SGO2: variants seen among roughly 807,000 people sequenced by gnomAD.
SGO2 encodes the protein shugoshin-like 2.
Under a neutral mutation model 99.5 loss-of-function variants are expected in SGO2, and 68 were observed. That is an observed-to-expected ratio of 0.68 (90% CI 0.56 to 0.84). SGO2 has a LOEUF of 0.84. SGO2 is among the 40% of genes least tolerant of loss of function. The probability of loss-of-function intolerance (pLI) is 0.00; values close to 1 mark genes in which losing one functional copy is unlikely to be tolerated. For synonymous variants in SGO2, 457 were observed against 487.1 expected (o/e 0.94, Z 0.81); for missense variants, 1,350 against 1,436.7 (o/e 0.94, Z 0.97).
Position 200,572,934 on chromosome 2 carries a change from A to G in SGO2, c.2588A>G (p.Gln863Arg). 1 of 1,598,664 alleles carries G rather than the reference A, an allele frequency of 6.3e-7. No homozygotes were observed. The highest frequency in any genetic ancestry group is 1.3e-5 in the African/African-American group (1 of 74,106). The change falls in exon 7 of 9, where the codon CAA (glutamine) becomes CGA (arginine). Residue 863 changes from glutamine (Q) to arginine (R), a missense_variant. By Grantham distance (43) the Gln-to-Arg change is conservative (BLOSUM62 1). Coordinates refer to ENST00000357799, the MANE Select transcript of SGO2 (RefSeq NM_152524.6). ...SENLQVTNEF[Q>R]TVDLLIKDNG... ...AATCTACAAGTCACAAATGAATTTC[A>G]AACAGTTGATCTTCTCATCAAAGAT...
At chr2:200,578,150 C>CTATAGATATAGATATAGA (rs71022324) in intron 8 of SGO2, among the ~76,000 whole-genome samples, 29,378 of 143,434 alleles carry the variant, frequency 0.2, 3,450 homozygotes, top group Non-Finnish European at 0.26. Context: ...GTTGTCTTTT[C>CTATAGATATAGATATAGA]TATAGATATA....
intron 8 of SGO2, among the ~76,000 whole-genome samples, chr2:200,582,761 C>G (rs1002938743): frequency 6.6e-6 from 1 of 152,052 alleles, no homozygotes; most frequent in Non-Finnish European, 1.5e-5. Flanking sequence ...ACATTACATA[C>G]ACAGGGGAAC....
chr2:200,555,327 G>A (rs1019029130), intron 5 of SGO2, among the ~76,000 whole-genome samples: 1 of 152,092 alleles, frequency 6.6e-6, no homozygotes, highest in African/African-American at 2.4e-5. Flanking sequence ...TCCAGTAGTT[G>A]TAAGATTTTT....
chr2:200,571,721 C>G lies in SGO2; in HGVS notation c.1375C>G (p.Gln459Glu), dbSNP rs1336071839. The G allele has an allele frequency of 1.9e-6, 3 of 1,613,424 alleles. No individual in the cohort carries two copies. Among genetic ancestry groups the G allele is most frequent in the Non-Finnish European group, 1.7e-6 (2 of 1,179,684 alleles). ...GFIFNNEQLA[Q>E]MNEQLAQVNE... ...TATTTTCAATAATGAACAGCTGGCT[C>G]AGATGAATGAACAGCTGGCTCAGGT... The change falls in exon 7 of 9, where the codon CAG becomes GAG. Residue 459 changes from glutamine to glutamate, a missense_variant. Transcript: ENST00000357799.
chr2:200,558,348 C>T (rs115584177), intron 5 of SGO2, among the ~76,000 whole-genome samples: 392 of 152,136 alleles, frequency 2.6e-3, no homozygotes, highest in Non-Finnish European at 4.3e-3. Context: ...TGAATAACTA[C>T]TGAATTTTAT....
At chr2:200,557,181 A>G (rs2032752814) in intron 5 of SGO2, among the ~76,000 whole-genome samples, 1 of 152,196 alleles carries the variant, frequency 6.6e-6, no homozygotes, top group African/African-American at 2.4e-5. Flanking sequence ...CGTAGCCAAG[A>G]GGGACTTTAC....
At chr2:200,564,047 T>C (rs997582184) in intron 5 of SGO2, among the ~76,000 whole-genome samples, 2 of 152,252 alleles carry the variant, frequency 1.3e-5, no homozygotes, top group African/African-American at 4.8e-5. Context: ...GGTTTCTTTG[T>C]GTCTCTATCT....
intron 8 of SGO2, among the ~76,000 whole-genome samples, chr2:200,576,474 G>T (rs529447316): frequency 1.3e-5 from 2 of 152,188 alleles, no homozygotes; most frequent in Admixed American, 6.5e-5. Context: ...TGCTCGGGAG[G>T]CTGAGGCAGG....
rs1350244980 is a variant in SGO2, at chr2:200,582,621, CA to C, written c.3783-827del. 2.0e-5 allele frequency among the ~76,000 whole-genome samples: 3 copies of C among 152,030 alleles called. No individual in the cohort carries two copies. The East Asian group carries it at 5.8e-4, about 29-fold the overall frequency. The stretch of plus-strand genomic sequence containing the variant: ...AGCTGAGGATTTAGTATAATTAGTG[CA>C]TGAACTATAGTGCTCTGTTGTCTAT... On this transcript the variant is annotated intron_variant, in intron 8 of 8. Transcript: ENST00000357799.
At chr2:200,539,315 AGTCT>A (rs2031848465) in intron 4 of SGO2, among the ~76,000 whole-genome samples, 2 of 152,102 alleles carry the variant, frequency 1.3e-5, no homozygotes, top group Non-Finnish European at 2.9e-5. Context: ...TGACCAGAGT[AGTCT>A]GTCATTATTC....
Position 200,571,565 on chromosome 2 carries a change from GAAA to G in SGO2, c.1224_1226del (p.Lys409del). ...CAGAAAAGTGAAAGATTCCAGCTCTGAAAAAAAGAGAGAAAGATCAAAGAGACA... is the reference window on the plus strand; with the variant it reads ...CAGAAAAGTGAAAGATTCCAGCTCTGAAAAGAGAGAAAGATCAAAGAGACA... On this transcript the variant is annotated inframe_deletion, in exon 7 of 9. Transcript: ENST00000357799. 6.2e-7 allele frequency: 1 copy of G among 1,610,976 alleles called. No individual in the cohort carries two copies. The highest frequency in any genetic ancestry group is 1.7e-5 in the Admixed American group (1 of 59,384).
chr2:200,566,860 C>T (rs781295300), intron 5 of SGO2, among the ~76,000 whole-genome samples: 9 of 152,176 alleles, frequency 5.9e-5, no homozygotes, highest in Non-Finnish European at 1.3e-4. Context: ...GGCGTGGGAC[C>T]CTCTGAGCCA....
Position 200,571,232 on chromosome 2 carries a change from G to T in SGO2, c.886G>T (p.Asp296Tyr). Reference sequence around the variant, plus strand: ...AGACACTCCCTGTGCAACAGTTTTAGATAAACAACACATTTCAAGTCCAGA... The same window carrying T: ...AGACACTCCCTGTGCAACAGTTTTATATAAACAACACATTTCAAGTCCAGA... ...SADTPCATVL[D>Y]KQHISSPELN... The change falls in exon 7 of 9, where the codon GAT becomes TAT. Residue 296 changes from aspartate (D) to tyrosine (Y), a missense_variant. Asp to Tyr is a radical substitution (Grantham distance 160). Transcript: ENST00000357799. The T allele has an allele frequency of 6.2e-7, 1 of 1,613,532 alleles. No homozygotes were observed. The highest frequency in any genetic ancestry group is 8.5e-7 in the Non-Finnish European group (1 of 1,179,660).
chr2:200,577,031 T>C (rs1014959495), intron 8 of SGO2, among the ~76,000 whole-genome samples: 1 of 151,800 alleles, frequency 6.6e-6, no homozygotes, highest in African/African-American at 2.4e-5. Flanking sequence ...GTGTGTAAAG[T>C]ATTGTTTTTT....
intron 5 of SGO2, among the ~76,000 whole-genome samples, chr2:200,566,103 C>T (rs1020447288): frequency 4.6e-5 from 7 of 152,170 alleles, no homozygotes; most frequent in South Asian, 2.1e-4. Flanking sequence ...AGCTTTGTTC[C>T]GTGGCTGGCA....
At chr2:200,546,495 G>C (rs1048121873) in intron 5 of SGO2, among the ~76,000 whole-genome samples, 1 of 150,734 alleles carries the variant, frequency 6.6e-6, no homozygotes, top group African/African-American at 2.4e-5. Flanking sequence ...AACTACAGCA[G>C]ACAAGGAGCC....
In SGO2 at chr2:200,573,961, C is replaced by A. The variant is rs2033560547; in HGVS notation, c.3615C>A (p.Thr1205=). ...TGAAATTTAAAGTCAACCGGAGAAC[C>A]CAAAAATCAGGAATAGGTAGGTTAA... ...NKMKFKVNRR[T]QKSGIGDRPL... Residue 1205 remains threonine, a synonymous_variant, in exon 7 of 9, where the codon ACC becomes ACA. Transcript: ENST00000357799. 1.3e-6 allele frequency: 2 copies of A among 1,580,338 alleles called. No individual in the cohort carries two copies. Among genetic ancestry groups the A allele is most frequent in the South Asian group, 1.2e-5 (1 of 84,550 alleles).
chr2:200,557,209 C>G (rs545312465), intron 5 of SGO2, among the ~76,000 whole-genome samples: 28 of 152,292 alleles, frequency 1.8e-4, no homozygotes, highest in Non-Finnish European at 1.5e-5. Flanking sequence ...GGCCTCTAAT[C>G]CCCTACATCT....
At chr2:200,563,121 C>T (rs1306151388) in intron 5 of SGO2, among the ~76,000 whole-genome samples, 1 of 152,186 alleles carries the variant, frequency 6.6e-6, no homozygotes, top group Non-Finnish European at 1.5e-5. Context: ...TGAGAGAGGG[C>T]ATCCCTGTCT....
Sources: allele counts gnomAD v4.1 joint callset (sites outside exome capture counted in the v4.1 genomes callset), GRCh38; gene constraint gnomAD v4.1.1; transcripts MANE v1.5; gene names NCBI Gene and HGNC (gene_info 2026-07-23, HGNC 2026-07-21).